The following SYNCRIP variants were observed in gnomAD, a reference collection of about 807,000 sequenced individuals.
SYNCRIP encodes heterogeneous nuclear ribonucleoprotein Q.
A neutral mutation model predicts 68.9 loss-of-function variants in SYNCRIP; 9 were observed. The observed-to-expected ratio is 0.13, with a 90% CI of 0.08 to 0.23. The LOEUF is 0.23. Ranked by LOEUF, SYNCRIP falls within the 10% of genes least tolerant of loss-of-function variation. SYNCRIP has a pLI of 1.00. For synonymous variants in SYNCRIP, 258 were observed against 254.0 expected (o/e 1.02, Z -0.15); for missense variants, 414 against 770.6 (o/e 0.54, Z 5.48).
chr6:85,636,650 C>T (rs1356351626), intron 6 of SYNCRIP, among the ~76,000 whole-genome samples: 2 of 152,052 alleles, frequency 1.3e-5, no homozygotes, highest in Non-Finnish European at 1.5e-5. Context: ...AGTATGAGAG[C>T]TCTTACCACA....
chr6:85,614,891 C>T lies in SYNCRIP; in HGVS notation c.1737G>A (p.Gln579=), dbSNP rs529360513. The change falls in exon 11 of 11, where the codon CAG becomes CAA. Residue 579 remains glutamine (Q), a synonymous_variant. Transcript: ENST00000369622. ...GYNQPDSKRR[Q]TNNQNWGSQP... ...GGGAGCCCCAGTTCTGATTATTGGTCTGGCGCCGCTTGGAATCTGGCTGGT... is the reference window on the plus strand; with the variant it reads ...GGGAGCCCCAGTTCTGATTATTGGTTTGGCGCCGCTTGGAATCTGGCTGGT... 3.1e-6 allele frequency: 5 copies of T among 1,614,080 alleles called. No individual in the cohort carries two copies. Among genetic ancestry groups the T allele is most frequent in the Admixed American group, 1.7e-5 (1 of 60,008 alleles).
At chr6:85,632,208 G>A (rs578257151) in intron 6 of SYNCRIP, among the ~76,000 whole-genome samples, 27 of 152,212 alleles carry the variant, frequency 1.8e-4, no homozygotes, top group African/African-American at 6.3e-4. Flanking sequence ...AGTATTAAAA[G>A]ACAATGCCAA....
At position 85,641,328 on chromosome 6, in the gene SYNCRIP, T is replaced by G; in HGVS notation, c.112A>C (p.Lys38Gln). 6.2e-7 allele frequency: 1 copy of G among 1,612,152 alleles called. No individual in the cohort carries two copies. The highest frequency in any genetic ancestry group is 8.5e-7 in the Non-Finnish European group (1 of 1,180,008). Reference sequence around the variant, plus strand: ...ATTTCATCTAGTTTTTCAGCAACTTTCTGTGGTAAACCAGCATCAAGCAAT... The same window carrying G: ...ATTTCATCTAGTTTTTCAGCAACTTGCTGTGGTAAACCAGCATCAAGCAAT... ...QTLLDAGLPQ[K>Q]VAEKLDEIYV... The change falls in exon 2 of 11, where the codon AAA (lysine) becomes CAA (glutamine). Residue 38 changes from lysine (K) to glutamine (Q), a missense_variant. Lys to Gln is a moderately conservative substitution (Grantham distance 53). Coordinates refer to ENST00000369622, the MANE Select transcript of SYNCRIP (RefSeq NM_006372.5).
chr6:85,619,441 T>C, intron 8 of SYNCRIP, 24 bp from the exon 9 acceptor site: 1 of 1,598,816 alleles, frequency 6.3e-7, no homozygotes, highest in Non-Finnish European at 8.5e-7. Context: ...AATACCCCCC[T>C]GTATTATTTC....
intron 9 of SYNCRIP, 132 bp from the exon 10 acceptor site, chr6:85,619,071 T>G: frequency 8.5e-7 from 1 of 1,171,752 alleles, no homozygotes; most frequent in Non-Finnish European, 1.2e-6. Context: ...CAAATAATTT[T>G]ATTTAAAGAT....
chr6:85,640,395 A>G (rs1808988668), intron 3 of SYNCRIP, 51 bp downstream of exon 3: 11 of 1,578,414 alleles, frequency 7.0e-6, no homozygotes, highest in Non-Finnish European at 8.7e-6. Flanking sequence ...TTCAGCAGAT[A>G]GTATCAAAAC....
At chr6:85,621,213 C>A (rs547524443) in intron 8 of SYNCRIP, among the ~76,000 whole-genome samples, 1 of 152,272 alleles carries the variant, frequency 6.6e-6, no homozygotes, top group South Asian at 2.1e-4. Flanking sequence ...GACCACTTAT[C>A]CTTCAATAAT....
At chr6:85,639,793 T>C (rs778884042) in intron 4 of SYNCRIP, among the ~76,000 whole-genome samples, 5 of 152,098 alleles carry the variant, frequency 3.3e-5, no homozygotes, top group African/African-American at 4.8e-5. Flanking sequence ...CTTTGAGAAA[T>C]AGTCTAATAA....
chr6:85,622,209 T>C (rs1162090320), intron 8 of SYNCRIP, among the ~76,000 whole-genome samples: 2 of 151,458 alleles, frequency 1.3e-5, no homozygotes, highest in Non-Finnish European at 2.9e-5. Flanking sequence ...CCAGCTCTAC[T>C]AAAAAAAACA....
chr6:85,624,255 A>T, intron 6 of SYNCRIP, 143 bp from the exon 7 acceptor site: 1 of 758,958 alleles, frequency 1.3e-6, no homozygotes, highest in Non-Finnish European at 2.1e-6. Context: ...GGAACAGATT[A>T]TATTAACAAG....
chr6:85,634,069 C>T (rs1455031242), intron 6 of SYNCRIP, among the ~76,000 whole-genome samples: 2 of 152,108 alleles, frequency 1.3e-5, no homozygotes, highest in Admixed American at 6.5e-5. Context: ...TTAATTCCTA[C>T]GCCAATCAAA....
At chr6:85,608,813 A>G (rs528183130) in exon 12 of SYNCRIP, 1 of 152,134 alleles carries the variant, frequency 6.6e-6, no homozygotes, top group South Asian at 2.1e-4. Flanking sequence ...TCTGGTCCTG[A>G]AAAATATTTT....
upstream of SYNCRIP, chr6:85,643,412 G>C (rs1441553582): frequency 6.6e-6 from 1 of 152,380 alleles, no homozygotes; most frequent in African/African-American, 2.4e-5. Flanking sequence ...CTCACCCCTT[G>C]GGTTGGGGGT....
At chr6:85,624,138 T>G in intron 6 of SYNCRIP, 26 bp from the exon 7 acceptor site, 1 of 1,601,074 alleles carries the variant, frequency 6.2e-7, no homozygotes, top group Non-Finnish European at 8.5e-7. Context: ...GTGCATCATG[T>G]TTTTAAATTA....
At chr6:85,642,414 C>A (rs781643843) in intron 1 of SYNCRIP, among the ~76,000 whole-genome samples, 34 of 152,196 alleles carry the variant, frequency 2.2e-4, no homozygotes, top group Non-Finnish European at 3.7e-4. Flanking sequence ...GACGGCTCAA[C>A]GCCCGCGGGA....
downstream of SYNCRIP, chr6:85,612,969 T>C (rs1237080296): frequency 6.5e-7 from 1 of 1,541,864 alleles, no homozygotes; most frequent in Non-Finnish European, 8.8e-7. Context: ...CATCTTAAAT[T>C]AATAATGTGT....
chr6:85,640,388 A>G, intron 3 of SYNCRIP, 58 bp downstream of exon 3: 1 of 1,579,386 alleles, frequency 6.3e-7, no homozygotes. Context: ...AATAAAATTC[A>G]GCAGATAGTA....
intron 4 of SYNCRIP, 35 bp from the exon 5 acceptor site, chr6:85,637,391 T>A (rs748793997): frequency 3.7e-6 from 5 of 1,333,672 alleles, no homozygotes; most frequent in Non-Finnish European, 5.4e-6. Flanking sequence ...TACATTTAAT[T>A]CACTAGACCA....
At chr6:85,624,656 A>C (rs1293585945) in intron 6 of SYNCRIP, among the ~76,000 whole-genome samples, 2 of 152,232 alleles carry the variant, frequency 1.3e-5, no homozygotes, top group Admixed American at 6.5e-5. Flanking sequence ...GAGAAAGAGA[A>C]GTAGATTTGT....
Sources: gnomAD v4.1 joint callset for allele counts (sites outside exome capture counted in the v4.1 genomes callset) on GRCh38, gnomAD v4.1.1 for gene constraint, MANE v1.5 for transcripts, NCBI Gene and HGNC (gene_info 2026-07-23, HGNC 2026-07-21) for gene names.